The following DYSF variants were observed in gnomAD, a reference collection of about 807,000 sequenced individuals.
DYSF encodes dysferlin.
A neutral mutation model predicts 274.9 loss-of-function variants in DYSF; 212 were observed. That is an observed-to-expected ratio of 0.77 (90% CI 0.69 to 0.86). The LOEUF (loss-of-function observed/expected upper bound fraction) is 0.86, where lower values mean the gene tolerates loss of function less well. Ranked by LOEUF, DYSF falls within the 40% of genes least tolerant of loss-of-function variation. The probability of loss-of-function intolerance (pLI) is 0.00; values close to 1 mark genes in which losing one functional copy is unlikely to be tolerated. For synonymous variants in DYSF, 1,091 were observed against 1,078.7 expected, an observed-to-expected ratio of 1.01 and a Z score of -0.22; for missense variants, 2,666 against 2,783.2, an observed-to-expected ratio of 0.96 and a Z score of 0.95.
chr2:71,649,137 CAAAAAAA>C (rs376775027), intron 42 of DYSF, among the ~76,000 whole-genome samples: 1 of 89,718 alleles, frequency 1.1e-5, no homozygotes, highest in African/African-American at 4.4e-5. Flanking sequence ...ACTTTGTCTC[CAAAAAAA>C]AAAAAAAAAA....
At chr2:71,641,817 T>C (rs1348539584) in intron 41 of DYSF, among the ~76,000 whole-genome samples, 1 of 152,186 alleles carries the variant, frequency 6.6e-6, no homozygotes, top group Non-Finnish European at 1.5e-5. Context: ...TATTTAAAAT[T>C]TCTCATTTTT....
intron 26 of DYSF, 79 bp downstream of exon 26, chr2:71,568,417 G>T: frequency 1.3e-6 from 2 of 1,565,996 alleles, no homozygotes; most frequent in South Asian, 1.2e-5. Flanking sequence ...TTGGAGGCAG[G>T]CTGGGGTCTG....
intron 36 of DYSF, chr2:71,610,921 C>T (rs1247903885): frequency 6.7e-5 from 27 of 404,972 alleles, no homozygotes; most frequent in East Asian, 4.6e-4. Context: ...ATGCTGTGTG[C>T]GTATCAGGGA....
At chr2:71,618,091 GGT>G (rs1185321498) in intron 40 of DYSF, among the ~76,000 whole-genome samples, 1 of 10,030 alleles carries the variant, frequency 1.0e-4, no homozygotes, top group African/African-American at 2.5e-4. Context: ...GTAGAGATGG[GGT>G]GTGTGTGTGG....
At chr2:71,529,081 G>A (rs1032716573) in intron 14 of DYSF, among the ~76,000 whole-genome samples, 2 of 152,112 alleles carry the variant, frequency 1.3e-5, no homozygotes, top group Non-Finnish European at 2.9e-5. Context: ...AAACAGTTCC[G>A]CCTGCTGCCC....
intron 22 of DYSF, among the ~76,000 whole-genome samples, chr2:71,559,721 G>A (rs1275596299): frequency 6.6e-6 from 1 of 152,206 alleles, no homozygotes; most frequent in East Asian, 1.9e-4. Context: ...GCCCTGCCAG[G>A]TGCAGCTCAG....
intron 16 of DYSF, among the ~76,000 whole-genome samples, chr2:71,537,218 GTTTTGTTTTTTT>G (rs1407334313): frequency 6.3e-5 from 3 of 47,704 alleles, no homozygotes; most frequent in Non-Finnish European, 1.5e-4. Context: ...TTACTTTCTA[GTTTTGTTTTTTT>G]TTTTTTTTTT....
chr2:71,630,888 G>C (rs1025822418), intron 41 of DYSF, among the ~76,000 whole-genome samples: 16 of 152,202 alleles, frequency 1.1e-4, no homozygotes, highest in South Asian at 2.1e-4. Context: ...TCATGGATAT[G>C]CTCTTTCTCT....
At chr2:71,526,410 G>GGTT in intron 13 of DYSF, 64 bp downstream of exon 13, 1 of 1,463,010 alleles carries the variant, frequency 6.8e-7, no homozygotes, top group Non-Finnish European at 9.4e-7. Context: ...GCTGGTGGGG[G>GGTT]TGGGCGATGG....
At chr2:71,651,909 G>GGT (rs1333802035) in intron 42 of DYSF, among the ~76,000 whole-genome samples, 2 of 152,116 alleles carry the variant, frequency 1.3e-5, no homozygotes, top group Admixed American at 6.5e-5. Context: ...TATTTCAGTT[G>GGT]GTGCTGAAAA....
Position 71,570,790 on chromosome 2 carries a change from C to T in DYSF, c.3228+49C>T, listed in dbSNP as rs1309975660. The T allele has an allele frequency of 1.9e-6, 3 of 1,609,444 alleles. No individual in the cohort carries two copies. In the African/African-American group the frequency reaches 4.0e-5, roughly 22 times the overall value. The stretch of plus-strand genomic sequence containing the variant: ...GAGTGAGGCCTGTGGTCACAGGTGG[C>T]CAGTAGGCACAGATGCAGACCTGCA... On this transcript the variant is annotated intron_variant, in intron 29 of 55. Transcript: ENST00000410020.
chr2:71,618,498 T>G (rs1207830427), intron 40 of DYSF, among the ~76,000 whole-genome samples: 24 of 78,388 alleles, frequency 3.1e-4, no homozygotes, highest in African/African-American at 8.0e-4. Context: ...AGAGGTGATG[T>G]GTGTGTTTGG....
At chr2:71,496,551 C>A (rs78336103) in intron 3 of DYSF, among the ~76,000 whole-genome samples, 7,895 of 152,116 alleles carry the variant, frequency 0.052, 254 homozygotes, top group African/African-American at 0.11. Context: ...GTCTATGTAC[C>A]GACATAGACG....
intron 3 of DYSF, among the ~76,000 whole-genome samples, chr2:71,493,199 T>G (rs955551446): frequency 1.3e-5 from 2 of 152,146 alleles, no homozygotes; most frequent in East Asian, 3.9e-4. Context: ...GATACCATAC[T>G]TTTATCTAAT....
rs375513060 is a variant in DYSF at position 71,568,157 on chromosome 2, T to G, written c.2698-15T>G. ...TTGGCCCCCTGCTCACGCCTCATTC[T>G]TCCTGGCCCTCCAGTATGAGAACGA... On this transcript the variant is annotated splice_polypyrimidine_tract_variant and intron_variant, in intron 25 of 55. Coordinates refer to ENST00000410020, the MANE Select transcript of DYSF (RefSeq NM_001130987.2). The G allele has an allele frequency of 4.6e-5, 74 of 1,614,132 alleles. No individual in the cohort carries two copies. Among genetic ancestry groups the G allele is most frequent in the Non-Finnish European group, 6.1e-5 (72 of 1,180,052 alleles).
At chr2:71,571,457 CAGATCACACCCAGCACACACACAT>C (rs2092443422) in intron 29 of DYSF, among the ~76,000 whole-genome samples, 2 of 102,110 alleles carry the variant, frequency 2.0e-5, no homozygotes, top group Non-Finnish European at 4.4e-5. Context: ...AGCACACACA[CAGATCACACCCAGCACACACACAT>C]CACACCCAGC....
chr2:71,502,739 G>C (rs909210446), intron 3 of DYSF, among the ~76,000 whole-genome samples: 1 of 152,172 alleles, frequency 6.6e-6, no homozygotes, highest in African/African-American at 2.4e-5. Context: ...AGACAGGAAG[G>C]TTTCCTTGCT....
upstream of DYSF, among the ~76,000 whole-genome samples, chr2:71,463,754 A>G (rs1024875164): frequency 6.6e-6 from 1 of 152,254 alleles, no homozygotes; most frequent in Non-Finnish European, 1.5e-5. Flanking sequence ...TTCATGGCAT[A>G]TAAATCTGTC....
intron 7 of DYSF, 75 bp from the exon 8 acceptor site, chr2:71,515,548 G>T: frequency 6.2e-7 from 1 of 1,606,516 alleles, no homozygotes; most frequent in South Asian, 1.1e-5. Flanking sequence ...TGAGATTTCT[G>T]ACTCTTGGGG....
Sources: gnomAD v4.1 joint callset for allele counts (sites outside exome capture counted in the v4.1 genomes callset) on GRCh38, gnomAD v4.1.1 for gene constraint, MANE v1.5 for transcripts, NCBI Gene and HGNC (gene_info 2026-07-23, HGNC 2026-07-21) for gene names.